PROM1: variants seen among roughly 807,000 people sequenced by gnomAD.
The protein encoded by PROM1 is prominin 1.
PROM1 carries 105 observed loss-of-function variants against 116.9 expected under a neutral mutation model. The ratio of observed to expected loss-of-function variants is 0.90; its 90% confidence interval spans 0.77 to 1.06. PROM1 has a LOEUF of 1.06. Ranked by LOEUF, PROM1 falls within the 50% of genes least tolerant of loss-of-function variation. The pLI is 0.00. For synonymous variants in PROM1, 393 were observed against 387.0 expected, an observed-to-expected ratio of 1.02 and a Z score of -0.18; for missense variants, 1,122 against 1,045.2, an observed-to-expected ratio of 1.07 and a Z score of -1.01.
chr4:16,074,917 G>A (rs77788251), intron 2 of PROM1, among the ~76,000 whole-genome samples: 12,863 of 152,178 alleles, frequency 0.085, 1,236 homozygotes, highest in African/African-American at 0.24. Context: ...TCAAATCTTT[G>A]TAACTAAAAG....
At chr4:16,008,643 T>C (rs1385086267) in intron 12 of PROM1, among the ~76,000 whole-genome samples, 1 of 152,230 alleles carries the variant, frequency 6.6e-6, no homozygotes, top group African/African-American at 2.4e-5. Context: ...TATCAAGTAT[T>C]TGGCTCACGA....
At chr4:16,023,042 T>C (rs1194714190) in intron 8 of PROM1, among the ~76,000 whole-genome samples, 2 of 152,222 alleles carry the variant, frequency 1.3e-5, no homozygotes, top group East Asian at 3.9e-4. Flanking sequence ...TCTAAACAAA[T>C]GCGTATGGCT....
At chr4:16,022,928 A>G (rs555911469) in intron 8 of PROM1, among the ~76,000 whole-genome samples, 1 of 152,318 alleles carries the variant, frequency 6.6e-6, no homozygotes, top group Admixed American at 6.5e-5. Context: ...TTTTTCTATA[A>G]AAGGCCAGAT....
intron 1 of PROM1, chr4:16,076,578 A>G (rs533790679): frequency 7.2e-5 from 11 of 152,560 alleles, no homozygotes; most frequent in African/African-American, 2.6e-4. Context: ...TGTGGCCAAG[A>G]GTCAAACCCA....
intron 2 of PROM1, among the ~76,000 whole-genome samples, chr4:16,052,327 T>G (rs908170552): frequency 1.3e-5 from 2 of 152,118 alleles, no homozygotes; most frequent in African/African-American, 4.8e-5. Flanking sequence ...ACTCACAAAA[T>G]CACCATCAGG....
At chr4:16,077,406 T>C (rs963330066) in intron 1 of PROM1, among the ~76,000 whole-genome samples, 5 of 152,094 alleles carry the variant, frequency 3.3e-5, no homozygotes, top group African/African-American at 4.8e-5. Flanking sequence ...TCCACTATTA[T>C]CCTGTGACCC....
chr4:15,985,757 T>C lies in PROM1; in HGVS notation c.2280+3A>G. 6.5e-7 allele frequency: 1 copy of C among 1,544,728 alleles called. No homozygotes were observed. The highest frequency in any genetic ancestry group is 1.1e-5 in the South Asian group (1 of 87,932). ...TAACATTCATAAAAGATAAACTACT[T>C]ACAGAGAACTCGATCCACTGCAGAT... On this transcript the variant is annotated splice_donor_region_variant and intron_variant, in intron 22 of 27. Transcript: ENST00000447510.
At chr4:16,012,870 C>CAAA (rs71179681) in intron 11 of PROM1, among the ~76,000 whole-genome samples, 113 of 83,188 alleles carry the variant, frequency 1.4e-3, no homozygotes, top group Middle Eastern at 6.2e-3. Flanking sequence ...GACTCTGTCT[C>CAAA]AAAAAAAAAA....
In PROM1 at chr4:16,047,710, T is replaced by C. The variant is rs373227364; in HGVS notation, c.221-8709A>G. Among the ~76,000 whole-genome samples the C allele has an allele frequency of 3.3e-5, 5 of 152,200 alleles. No individual in the cohort carries two copies. In the East Asian group the frequency reaches 9.6e-4, roughly 29 times the overall value. ...GGCCTAACTCCACCCCAGCCAGCTA[T>C]TGCTCCTGCTGGATGGTTATACCTC... On this transcript the variant is annotated intron_variant, in intron 2 of 27. Coordinates refer to ENST00000447510, the MANE Select transcript of PROM1 (RefSeq NM_006017.3).
chr4:16,040,320 TCTTCACAGTAC>T (rs1734932101), intron 2 of PROM1, among the ~76,000 whole-genome samples: 1 of 152,188 alleles, frequency 6.6e-6, no homozygotes, highest in Non-Finnish European at 1.5e-5. Context: ...CCCAATAGTT[TCTTCACAGTAC>T]CTCGGGGGCT....
At chr4:16,004,823 C>CTTT (rs1453283390) in intron 13 of PROM1, among the ~76,000 whole-genome samples, 17 of 114,766 alleles carry the variant, frequency 1.5e-4, no homozygotes, top group African/African-American at 4.4e-4. Context: ...TTCTTTCTTT[C>CTTT]TTTCTTTTTC....
At chr4:16,074,659 G>T (rs779521797) in intron 2 of PROM1, among the ~76,000 whole-genome samples, 1 of 152,164 alleles carries the variant, frequency 6.6e-6, no homozygotes, top group Non-Finnish European at 1.5e-5. Flanking sequence ...TATACTTCAA[G>T]CTGTTTTAAT....
chr4:16,044,447 T>C (rs1158092781), intron 2 of PROM1, among the ~76,000 whole-genome samples: 2 of 152,224 alleles, frequency 1.3e-5, no homozygotes, highest in South Asian at 4.1e-4. Context: ...GAAATGTGAT[T>C]AATTAAGAGC....
intron 2 of PROM1, among the ~76,000 whole-genome samples, chr4:16,043,155 C>A (rs929235954): frequency 6.6e-6 from 1 of 152,092 alleles, no homozygotes; most frequent in Non-Finnish European, 1.5e-5. Flanking sequence ...AGAGTTAAAG[C>A]GGATCTGAGA....
chr4:16,021,854 G>A lies in PROM1; in HGVS notation c.784+1472C>T, dbSNP rs142427191. On this transcript the variant is annotated intron_variant, in intron 8 of 27. Coordinates refer to ENST00000447510, the MANE Select transcript of PROM1 (RefSeq NM_006017.3). Reference sequence around the variant, plus strand: ...TTCCCCCAGCTACCCAATTGCTATGGACTGAAGTATGTCTCCCCCAGATTC... The same window carrying A: ...TTCCCCCAGCTACCCAATTGCTATGAACTGAAGTATGTCTCCCCCAGATTC... Among the ~76,000 whole-genome samples the A allele has an allele frequency of 2.4e-3, 365 of 152,292 alleles. 1 individual carries two copies. The highest frequency in any genetic ancestry group is 7.8e-3 in the African/African-American group (324 of 41,556).
chr4:16,022,778 C>T (rs1222179276), intron 8 of PROM1, among the ~76,000 whole-genome samples: 2 of 152,108 alleles, frequency 1.3e-5, no homozygotes, highest in Non-Finnish European at 2.9e-5. Context: ...TCACTTATAC[C>T]ATTGACCATG....
chr4:16,077,906 G>A (rs1379104749), intron 1 of PROM1, among the ~76,000 whole-genome samples: 4 of 152,060 alleles, frequency 2.6e-5, no homozygotes, highest in Non-Finnish European at 4.4e-5. Context: ...ACCTCACCCC[G>A]AATCCAAAGT....
At chr4:15,998,976 C>A (rs1723011442) in intron 14 of PROM1, among the ~76,000 whole-genome samples, 1 of 152,208 alleles carries the variant, frequency 6.6e-6, no homozygotes, top group Admixed American at 6.5e-5. Context: ...GTGATCCACC[C>A]ACCTCAGCAT....
At chr4:16,000,205 C>G (rs1451749492) in intron 14 of PROM1, among the ~76,000 whole-genome samples, 1 of 152,188 alleles carries the variant, frequency 6.6e-6, no homozygotes, top group Admixed American at 6.5e-5. Flanking sequence ...TCTTTTCTCC[C>G]CAAATACTGC....
Sources: allele counts gnomAD v4.1 joint callset (sites outside exome capture counted in the v4.1 genomes callset), GRCh38; gene constraint gnomAD v4.1.1; transcripts MANE v1.5; gene names NCBI Gene and HGNC (gene_info 2026-07-23, HGNC 2026-07-21).